Variants in IQCM observed in about 807,000 individuals in gnomAD.
The protein encoded by IQCM is IQ domain-containing protein M.
A neutral mutation model predicts 57.6 loss-of-function variants in IQCM; 45 were observed. The observed-to-expected ratio is 0.78, with a 90% CI of 0.62 to 1.00. The LOEUF is 1.00. Among genes scored for constraint, IQCM ranks in the 50% least tolerant of loss-of-function variants. The pLI, the probability that IQCM is intolerant of heterozygous loss-of-function variation, is 0.00. For synonymous variants in IQCM, 148 were observed against 158.9 expected, an observed-to-expected ratio of 0.93 and a Z score of 0.51; for missense variants, 468 against 511.6, an observed-to-expected ratio of 0.91 and a Z score of 0.82.
intron 12 of IQCM, among the ~76,000 whole-genome samples, chr4:149,451,972 A>G (rs1348888919): frequency 2.0e-5 from 3 of 151,794 alleles, no homozygotes; most frequent in Non-Finnish European, 4.4e-5. Flanking sequence ...TAAATCCTAT[A>G]AAATCTACAA....
At chr4:149,380,083 T>C (rs879885818) in intron 13 of IQCM, among the ~76,000 whole-genome samples, 3 of 152,168 alleles carry the variant, frequency 2.0e-5, no homozygotes, top group Non-Finnish European at 4.4e-5. Flanking sequence ...TTGTGAGGCC[T>C]CTCCAGCCAC....
intron 2 of IQCM, among the ~76,000 whole-genome samples, chr4:149,803,475 G>A (rs1025965226): frequency 6.6e-6 from 1 of 151,880 alleles, no homozygotes; most frequent in African/African-American, 2.4e-5. Flanking sequence ...CTACTAATAA[G>A]CATGTCAAAG....
At chr4:149,418,394 A>G (rs1733901386) in intron 13 of IQCM, among the ~76,000 whole-genome samples, 1 of 152,168 alleles carries the variant, frequency 6.6e-6, no homozygotes. Context: ...AACCAGGAAG[A>G]AGTTGAATCC....
intron 7 of IQCM, among the ~76,000 whole-genome samples, chr4:149,649,272 G>A (rs1758943390): frequency 6.6e-6 from 1 of 151,888 alleles, no homozygotes; most frequent in Non-Finnish European, 1.5e-5. Flanking sequence ...TTCCATTCTA[G>A]TTTGCTCTCA....
intron 12 of IQCM, among the ~76,000 whole-genome samples, chr4:149,483,135 T>G (rs910699371): frequency 2.0e-5 from 3 of 151,914 alleles, no homozygotes; most frequent in Admixed American, 6.6e-5. Context: ...ATCACTGATT[T>G]TATTAATATT....
chr4:149,747,288 T>C (rs1768016287), intron 2 of IQCM, among the ~76,000 whole-genome samples: 1 of 152,208 alleles, frequency 6.6e-6, no homozygotes, highest in East Asian at 1.9e-4. Context: ...CATTGCTCTG[T>C]ATATGAAGGA....
chr4:149,664,197 T>C (rs1561125361), intron 7 of IQCM, among the ~76,000 whole-genome samples: 1 of 152,126 alleles, frequency 6.6e-6, no homozygotes, highest in Non-Finnish European at 1.5e-5. Context: ...GATAATAAAC[T>C]TTTTTCCTAA....
At chr4:149,798,290 T>C (rs1369862696) in intron 2 of IQCM, among the ~76,000 whole-genome samples, 2 of 151,946 alleles carry the variant, frequency 1.3e-5, no homozygotes, top group Non-Finnish European at 2.9e-5. Flanking sequence ...TAATGGGTTA[T>C]AAAATAGTAT....
chr4:149,510,205 T>C (rs1380054495), intron 12 of IQCM, among the ~76,000 whole-genome samples: 1 of 152,140 alleles, frequency 6.6e-6, no homozygotes, highest in Admixed American at 6.6e-5. Context: ...TATCTCATTG[T>C]TTTAATCTGC....
intron 5 of IQCM, among the ~76,000 whole-genome samples, chr4:149,723,729 C>T (rs894105169): frequency 6.6e-6 from 1 of 151,742 alleles, no homozygotes; most frequent in African/African-American, 2.4e-5. Context: ...GTTCATCAGA[C>T]ATATCAGTCT....
chr4:149,655,280 C>T (rs1217995912), intron 7 of IQCM, among the ~76,000 whole-genome samples: 2 of 152,066 alleles, frequency 1.3e-5, no homozygotes, highest in Admixed American at 1.3e-4. Flanking sequence ...TGACAGAGTA[C>T]ACAATGAGCA....
chr4:149,354,363 C>CAAAAA lies in IQCM; in HGVS notation c.1391-2302_1391-2298dup, dbSNP rs70965178. Among the ~76,000 whole-genome samples the CAAAAA allele has an allele frequency of 3.9e-4, 8 of 20,260 alleles. 1 individual carries two copies. The highest frequency in any genetic ancestry group is 4.1e-4 in the African/African-American group (2 of 4,830). 13.3% of individuals were successfully genotyped at this position (20,260 alleles called of 152,430 possible). ...TGGGCGACAGAGCGAGACTCCGTCTCAAAAAAAAAAAAAAAAAAAAAAAAA... is the reference window on the plus strand; with the variant it reads ...TGGGCGACAGAGCGAGACTCCGTCTCAAAAAAAAAAAAAAAAAAAAAAAAAAAAAA... On this transcript the variant is annotated intron_variant, in intron 13 of 13. Coordinates refer to ENST00000636793, the MANE Select transcript of IQCM (RefSeq NM_001363507.2).
chr4:149,433,009 A>G (rs1735013226), intron 13 of IQCM, among the ~76,000 whole-genome samples: 1 of 152,014 alleles, frequency 6.6e-6, no homozygotes. Context: ...TGCAACTCTC[A>G]TATCTCTGCA....
chr4:149,375,611 C>T (rs1262267398), intron 13 of IQCM, among the ~76,000 whole-genome samples: 3 of 152,250 alleles, frequency 2.0e-5, no homozygotes, highest in Admixed American at 6.5e-5. Flanking sequence ...AAAGAATAAG[C>T]ACTTTTTGTC....
At chr4:149,620,513 A>G (rs1273233105) in intron 8 of IQCM, among the ~76,000 whole-genome samples, 2 of 152,230 alleles carry the variant, frequency 1.3e-5, no homozygotes, top group Non-Finnish European at 2.9e-5. Context: ...GCGAAACACA[A>G]TGTTGTAAAA....
intron 13 of IQCM, among the ~76,000 whole-genome samples, chr4:149,418,171 T>A (rs1039972090): frequency 1.2e-4 from 5 of 40,358 alleles, no homozygotes; most frequent in Admixed American, 5.5e-4. Flanking sequence ...AGGTTATGGT[T>A]TTTTTTTTAA....
In IQCM at chr4:149,707,052, T is replaced by C. The variant is rs551605723; in HGVS notation, c.386-20584A>G. On this transcript the variant is annotated intron_variant, in intron 5 of 13. Transcript: ENST00000636793. ...TGACAGAATCAAAAGACAGCAAAGATGAACAACTTCAGGAAAGGAGTGCTC... is the reference window on the plus strand; with the variant it reads ...TGACAGAATCAAAAGACAGCAAAGACGAACAACTTCAGGAAAGGAGTGCTC... Among the ~76,000 whole-genome samples, 226 of 152,060 alleles carry C rather than the reference T, an allele frequency of 1.5e-3. 1 individual carries two copies. The highest frequency in any genetic ancestry group is 5.3e-3 in the African/African-American group (219 of 41,484).
chr4:149,503,231 A>G (rs1266497154), intron 12 of IQCM, among the ~76,000 whole-genome samples: 1 of 152,186 alleles, frequency 6.6e-6, no homozygotes, highest in East Asian at 1.9e-4. Context: ...TACAAATAAA[A>G]TTAAATACAA....
chr4:149,374,449 T>A (rs1046426192), intron 13 of IQCM, among the ~76,000 whole-genome samples: 4 of 152,050 alleles, frequency 2.6e-5, no homozygotes, highest in Admixed American at 2.6e-4. Context: ...TGAATTTCAG[T>A]CAATCTTCTT....
Sources: gnomAD v4.1 joint callset for allele counts (sites outside exome capture counted in the v4.1 genomes callset) on GRCh38, gnomAD v4.1.1 for gene constraint, MANE v1.5 for transcripts, NCBI Gene and HGNC (gene_info 2026-07-23, HGNC 2026-07-21) for gene names.